The following ACO1 variants were observed in gnomAD, a reference collection of about 807,000 sequenced individuals.
ACO1 encodes the protein aconitase 1.
In ACO1, 78 loss-of-function variants were observed where a neutral mutation model predicts 105.1. The ratio of observed to expected loss-of-function variants is 0.74; its 90% CI spans 0.62 to 0.90. ACO1 has a LOEUF of 0.90. Ranked by LOEUF, ACO1 falls within the 40% of genes least tolerant of loss-of-function variation. The pLI is 0.00. For missense variants in ACO1, 965 were observed against 1,111.1 expected, an observed-to-expected ratio of 0.87 and a Z score of 1.87; for synonymous variants, 364 against 397.4, an observed-to-expected ratio of 0.92 and a Z score of 1.00.
chr9:32,419,219 A>G (rs767125083), intron 7 of ACO1, 42 bp downstream of exon 7: 17 of 1,504,454 alleles, frequency 1.1e-5, no homozygotes, highest in South Asian at 5.3e-5. Flanking sequence ...GAAAGCCACA[A>G]TGATAGCTTT....
At chr9:32,391,492 A>G (rs1017988409) in intron 1 of ACO1, among the ~76,000 whole-genome samples, 10 of 152,206 alleles carry the variant, frequency 6.6e-5, no homozygotes, top group African/African-American at 2.4e-4. Flanking sequence ...TTGGTGTCAA[A>G]AATTAATCCA....
At chr9:32,444,461 T>C (rs1281357039) in intron 19 of ACO1, among the ~76,000 whole-genome samples, 1 of 152,202 alleles carries the variant, frequency 6.6e-6, no homozygotes, top group Non-Finnish European at 1.5e-5. Flanking sequence ...AGCATTCCTA[T>C]TTCTCCCCAT....
Position 32,407,305 on chromosome 9 carries a change from C to T in ACO1, c.142C>T (p.Arg48Trp), listed in dbSNP as rs372499240. Residue 48 changes from arginine to tryptophan, a missense_variant, in exon 3 of 21, where the codon CGG becomes TGG. Coordinates refer to ENST00000309951, the MANE Select transcript of ACO1 (RefSeq NM_002197.3). Reference protein sequence around the residue: ...SIRVLLEAAIRNCDEFLVKKQ... With the variant: ...SIRVLLEAAIWNCDEFLVKKQ... ...CAGAGTTCTTCTGGAAGCAGCCATT[C>T]GGAATTGTGATGAGTTTTTGGTGAA... 12 of 1,613,862 alleles carry T rather than the reference C, an allele frequency of 7.4e-6. No homozygotes were observed. The highest frequency in any genetic ancestry group is 1.3e-5 in the African/African-American group (1 of 74,854).
At chr9:32,430,332 C>T (rs1162630241) in intron 13 of ACO1, 86 bp from the exon 14 acceptor site, 5 of 1,366,834 alleles carry the variant, frequency 3.7e-6, no homozygotes, top group Admixed American at 2.2e-5. Context: ...TGTATCCTTG[C>T]GATGTGGAAA....
chr9:32,444,493 CCTGA>C (rs1822554496), intron 19 of ACO1, among the ~76,000 whole-genome samples: 1 of 152,150 alleles, frequency 6.6e-6, no homozygotes, highest in Admixed American at 6.5e-5. Context: ...TCTGTTGTTC[CCTGA>C]CTTTTTAATG....
At chr9:32,428,300 C>T (rs1456446821) in intron 12 of ACO1, among the ~76,000 whole-genome samples, 1 of 128,786 alleles carries the variant, frequency 7.8e-6, no homozygotes, top group Admixed American at 8.0e-5. Flanking sequence ...AAAAAAAAAA[C>T]CTAAGAGATA....
chr9:32,416,695 G>A (rs547323475), intron 4 of ACO1, among the ~76,000 whole-genome samples: 1 of 152,180 alleles, frequency 6.6e-6, no homozygotes, highest in Admixed American at 6.5e-5. Flanking sequence ...TCAGCATGTA[G>A]CATGTGGCAG....
intron 19 of ACO1, among the ~76,000 whole-genome samples, chr9:32,443,932 T>C (rs1218972465): frequency 6.6e-6 from 1 of 152,218 alleles, no homozygotes; most frequent in African/African-American, 2.4e-5. Flanking sequence ...CAACCCATCA[T>C]CTACATTAGG....
chr9:32,445,779 C>T (rs957819722), intron 19 of ACO1: 2 of 162,120 alleles, frequency 1.2e-5, no homozygotes, highest in Non-Finnish European at 2.7e-5. Context: ...CTACACACTG[C>T]TTTAAGTGTG....
intron 1 of ACO1, among the ~76,000 whole-genome samples, chr9:32,398,533 G>A (rs990866722): frequency 6.6e-6 from 1 of 150,674 alleles, no homozygotes; most frequent in African/African-American, 2.5e-5. Context: ...CCCAGGGTTC[G>A]GAATTTCTTT....
intron 17 of ACO1, among the ~76,000 whole-genome samples, chr9:32,435,014 T>C (rs1248992781): frequency 3.9e-5 from 6 of 152,184 alleles, no homozygotes; most frequent in African/African-American, 2.4e-5. Context: ...GCTCTGCTCT[T>C]AACCTGGGGC....
intron 13 of ACO1, among the ~76,000 whole-genome samples, chr9:32,429,811 G>A (rs1349828427): frequency 6.6e-6 from 1 of 152,178 alleles, no homozygotes; most frequent in Non-Finnish European, 1.5e-5. Context: ...CTCAGTACTG[G>A]CTGGTTTTCA....
chr9:32,430,110 G>C (rs770300098), intron 13 of ACO1, among the ~76,000 whole-genome samples: 53 of 152,138 alleles, frequency 3.5e-4, no homozygotes, highest in Non-Finnish European at 8.8e-5. Context: ...TTCCTTTAAC[G>C]ATCAACTGTT....
chr9:32,399,661 T>C (rs1821445711), intron 1 of ACO1, among the ~76,000 whole-genome samples: 1 of 152,210 alleles, frequency 6.6e-6, no homozygotes, highest in African/African-American at 2.4e-5. Context: ...ATTTTAATAA[T>C]AGGGAAATTG....
intron 4 of ACO1, among the ~76,000 whole-genome samples, chr9:32,416,569 C>T (rs1381758761): frequency 6.6e-6 from 1 of 152,170 alleles, no homozygotes; most frequent in Non-Finnish European, 1.5e-5. Context: ...GGTTCATGGC[C>T]CATTCCAAGT....
intron 12 of ACO1, 30 bp downstream of exon 12, chr9:32,427,466 C>G: frequency 6.2e-7 from 1 of 1,613,774 alleles, no homozygotes; most frequent in East Asian, 2.2e-5. Flanking sequence ...TGCACCATTG[C>G]TTTTGTTGAA....
intron 2 of ACO1, among the ~76,000 whole-genome samples, chr9:32,406,235 G>T (rs1821606845): frequency 6.6e-6 from 1 of 152,178 alleles, no homozygotes; most frequent in South Asian, 2.1e-4. Flanking sequence ...TACAATAATT[G>T]TAAAGGGGTT....
chr9:32,429,214 A>G (rs1822170711), intron 12 of ACO1, among the ~76,000 whole-genome samples: 2 of 152,136 alleles, frequency 1.3e-5, no homozygotes, highest in South Asian at 4.1e-4. Context: ...ATTCCTTTTT[A>G]TAAGTTAAAA....
Position 32,451,866 on chromosome 9 carries a change from C to G in ACO1, c.*1755C>G, listed in dbSNP as rs1348993423. 1.3e-5 allele frequency: 2 copies of G among 152,078 alleles called. No individual in the cohort carries two copies. The highest frequency in any genetic ancestry group is 2.4e-5 in the African/African-American group (1 of 41,372). 9.4% of individuals were successfully genotyped at this position (152,078 alleles called of 1,614,324 possible). A position where few individuals can be genotyped will look rare whatever the true frequency, so the allele number is the denominator to read the frequency against. ...TCACCTGAGGTCAGGAGTTCTAGAC[C>G]AGCCTGGCCAACATGGTGAAACCCC... On this transcript the variant is annotated 3_prime_UTR_variant, in exon 21 of 21. Transcript: ENST00000309951.
Sources: allele counts gnomAD v4.1 joint callset (sites outside exome capture counted in the v4.1 genomes callset), GRCh38; gene constraint gnomAD v4.1.1; transcripts MANE v1.5; gene names NCBI Gene and HGNC (gene_info 2026-07-23, HGNC 2026-07-21).